PHACTR3: variants seen among roughly 807,000 people sequenced by gnomAD.
The protein encoded by PHACTR3 is phosphatase and actin regulator 3, also known as protein phosphatase 1, regulatory subunit 123.
Under a neutral mutation model 66.8 loss-of-function variants are expected in PHACTR3, and 16 were observed. The ratio of observed to expected loss-of-function variants is 0.24; its 90% CI spans 0.16 to 0.36. The LOEUF is 0.36. Ranked by LOEUF, PHACTR3 falls within the 10% of genes least tolerant of loss-of-function variation. The probability of loss-of-function intolerance (pLI) is 1.00; values close to 1 mark genes in which losing one functional copy is unlikely to be tolerated. For synonymous variants in PHACTR3, 323 were observed against 292.1 expected (o/e 1.11, Z -1.08); for missense variants, 647 against 719.9 (o/e 0.90, Z 1.16).
At chr20:59,707,029 AGGAAAAAAAATAGTCCGACTTGAGCT>A (rs2037729759) in intron 1 of PHACTR3, among the ~76,000 whole-genome samples, 4 of 152,234 alleles carry the variant, frequency 2.6e-5, no homozygotes, top group Admixed American at 2.6e-4. Context: ...TAATGAGTAC[AGGAAAAAAAATAGTCCGACTTGAGCT>A]GGTGTAAATG....
intron 1 of PHACTR3, among the ~76,000 whole-genome samples, chr20:59,650,597 C>T (rs1387090807): frequency 1.3e-5 from 2 of 151,876 alleles, no homozygotes; most frequent in African/African-American, 2.4e-5. Flanking sequence ...TGGGTGTGAC[C>T]GCTTTGGAGA....
chr20:59,652,305 G>A (rs2035483322), intron 1 of PHACTR3, among the ~76,000 whole-genome samples: 1 of 152,136 alleles, frequency 6.6e-6, no homozygotes, highest in South Asian at 2.1e-4. Flanking sequence ...TGGGGTGGGG[G>A]CACCTAGCAG....
intron 7 of PHACTR3, among the ~76,000 whole-genome samples, chr20:59,801,020 C>G (rs972904335): frequency 6.6e-6 from 1 of 152,168 alleles, no homozygotes; most frequent in Admixed American, 6.5e-5. Flanking sequence ...GCACTGCTAT[C>G]TCATCATTTC....
chr20:59,780,262 C>A (rs2040680133), intron 7 of PHACTR3, among the ~76,000 whole-genome samples: 1 of 152,200 alleles, frequency 6.6e-6, no homozygotes, highest in Non-Finnish European at 1.5e-5. Flanking sequence ...CTCACCTGGG[C>A]CCATGTAAGG....
At chr20:59,767,052 A>G in intron 4 of PHACTR3, 134 bp from the exon 5 acceptor site, 1 of 764,002 alleles carries the variant, frequency 1.3e-6, no homozygotes, top group Non-Finnish European at 2.2e-6. Context: ...GCAGGAAGTC[A>G]AGTGCCTGTG....
chr20:59,764,672 A>C (rs6015577), intron 4 of PHACTR3, among the ~76,000 whole-genome samples: 1 of 152,144 alleles, frequency 6.6e-6, no homozygotes, highest in Non-Finnish European at 1.5e-5. Context: ...GTCTCCCAAA[A>C]GCAGGACTTT....
At chr20:59,827,604 C>G (rs539886316) in intron 8 of PHACTR3, among the ~76,000 whole-genome samples, 10 of 152,240 alleles carry the variant, frequency 6.6e-5, no homozygotes, top group African/African-American at 2.4e-4. Flanking sequence ...ACTGGCTGCA[C>G]CCAGGAGGTG....
At chr20:59,730,521 G>C (rs923621775) in intron 1 of PHACTR3, among the ~76,000 whole-genome samples, 3 of 152,174 alleles carry the variant, frequency 2.0e-5, no homozygotes, top group Non-Finnish European at 4.4e-5. Context: ...GGGGTAGGCA[G>C]GAGTGGAAGC....
intron 1 of PHACTR3, among the ~76,000 whole-genome samples, chr20:59,710,444 C>T (rs2037873233): frequency 6.6e-6 from 1 of 152,154 alleles, no homozygotes; most frequent in Non-Finnish European, 1.5e-5. Context: ...CAAGCTGGGG[C>T]TCAAAGCATC....
intron 7 of PHACTR3, among the ~76,000 whole-genome samples, chr20:59,798,552 G>T (rs1487349523): frequency 6.6e-6 from 1 of 151,992 alleles, no homozygotes; most frequent in African/African-American, 2.4e-5. Flanking sequence ...GGTCCATTCT[G>T]GTTACATATT....
intron 1 of PHACTR3, among the ~76,000 whole-genome samples, chr20:59,697,185 C>T (rs2037328464): frequency 6.6e-6 from 1 of 152,114 alleles, no homozygotes; most frequent in African/African-American, 2.4e-5. Flanking sequence ...ATAAATCTCC[C>T]GGGTTTGACC....
At position 59,674,505 on chromosome 20, in the gene PHACTR3, TCCC is replaced by T. The variant is rs561914928; in HGVS notation, c.119-68599_119-68597del. 7.2e-4 allele frequency among the ~76,000 whole-genome samples: 73 copies of T among 101,528 alleles called. 7 individuals are homozygous for T. Among genetic ancestry groups the T allele is most frequent in the East Asian group, 2.5e-3 (6 of 2,446 alleles). 66.6% of individuals were successfully genotyped at this position (101,528 alleles called of 152,430 possible). A position where few individuals can be genotyped will look rare whatever the true frequency, so the allele number is the denominator to read the frequency against. On this transcript the variant is annotated intron_variant, in intron 1 of 12. Coordinates refer to ENST00000371015, the MANE Select transcript of PHACTR3 (RefSeq NM_080672.5). ...CTTGTTCTCGTTCCCCTTCTCCTGT[TCCC>T]CCTTCTCCTGTCCCCGCTTCTTCTG... is the stretch of plus-strand genomic sequence containing the variant.
At chr20:59,623,365 T>C (rs1030556231) in intron 1 of PHACTR3, among the ~76,000 whole-genome samples, 12 of 152,060 alleles carry the variant, frequency 7.9e-5, no homozygotes, top group Non-Finnish European at 1.8e-4. Context: ...CATGCAGCTG[T>C]TGTGGGGGTT....
chr20:59,630,278 GT>G (rs11476135), intron 1 of PHACTR3, among the ~76,000 whole-genome samples: 105,222 of 151,368 alleles, frequency 0.7, 36,892 homozygotes, highest in East Asian at 0.89. Context: ...TGCCTCCCAG[GT>G]TCAAGTGATT....
rs1304841783 is a variant in PHACTR3, at chr20:59,738,699, C to T, written c.119-4408C>T. Among the ~76,000 whole-genome samples, 2 of 152,160 alleles carry T rather than the reference C, an allele frequency of 1.3e-5. No homozygotes were observed. The highest frequency in any genetic ancestry group is 2.9e-5 in the Non-Finnish European group (2 of 68,032). On this transcript the variant is annotated intron_variant, in intron 1 of 12. Coordinates refer to ENST00000371015, the MANE Select transcript of PHACTR3 (RefSeq NM_080672.5). This position sits in a 1 kb window ranked among gnomAD's most constrained non-coding sequence, Gnocchi z 4.4. ...TGTGGCCCTCAGCAGACCCTGATTC[C>T]TCCAGATCCTTCCTGACACTCCCTT...
chr20:59,595,358 C>T (rs889934755), intron 1 of PHACTR3, among the ~76,000 whole-genome samples: 7 of 152,036 alleles, frequency 4.6e-5, no homozygotes, highest in Non-Finnish European at 8.8e-5. Flanking sequence ...GCGAATCGGG[C>T]GGTTGAGGCA....
intron 3 of PHACTR3, among the ~76,000 whole-genome samples, chr20:59,749,852 T>G (rs1260684093): frequency 6.6e-6 from 1 of 152,182 alleles, no homozygotes; most frequent in Non-Finnish European, 1.5e-5. Context: ...GTCAACCATT[T>G]AAAGATGTCA....
chr20:59,817,093 T>C (rs1282758653), intron 8 of PHACTR3, among the ~76,000 whole-genome samples: 1 of 152,268 alleles, frequency 6.6e-6, no homozygotes, highest in African/African-American at 2.4e-5. Context: ...TTTAGTTCAG[T>C]ACAATAAGTG....
At chr20:59,695,450 C>T (rs1341536453) in intron 1 of PHACTR3, among the ~76,000 whole-genome samples, 2 of 152,192 alleles carry the variant, frequency 1.3e-5, no homozygotes, top group East Asian at 3.8e-4. Context: ...TTCCTGAGGT[C>T]TCTACAGTCG....
Sources: allele counts gnomAD v4.1 joint callset (sites outside exome capture counted in the v4.1 genomes callset), GRCh38; gene constraint gnomAD v4.1.1; non-coding constraint Gnocchi (gnomAD v3.1); transcripts MANE v1.5; gene names NCBI Gene and HGNC (gene_info 2026-07-23, HGNC 2026-07-21).